RBM8A: variants seen among roughly 807,000 people sequenced by gnomAD.
RBM8A encodes the protein RNA binding motif protein 8A.
Under a neutral mutation model 25.1 loss-of-function variants are expected in RBM8A, and 8 were observed. The observed-to-expected ratio is 0.32, with a 90% CI of 0.19 to 0.58. The LOEUF (loss-of-function observed/expected upper bound fraction) is 0.58. Among genes scored for constraint, RBM8A ranks in the 20% least tolerant of loss-of-function variants. RBM8A has a pLI of 0.88. For synonymous variants in RBM8A, 66 were observed against 80.0 expected, an observed-to-expected ratio of 0.82 and a Z score of 0.94; for missense variants, 114 against 236.8, an observed-to-expected ratio of 0.48 and a Z score of 3.40.
chr1:145,926,300 A>G (rs1553755881), intron 4 of RBM8A, 123 bp from the exon 5 acceptor site: 9 of 1,455,906 alleles, frequency 6.2e-6, no homozygotes, highest in East Asian at 2.3e-5. Context: ...TGTACATCAT[A>G]TATCTCTACT....
At position 145,922,194 on chromosome 1, in the gene RBM8A, G is replaced by C. The variant is rs1199674456; in HGVS notation, c.*3688C>G. On this transcript the variant is annotated 3_prime_UTR_variant, in exon 6 of 6. Coordinates refer to ENST00000583313, the MANE Select transcript of RBM8A (RefSeq NM_005105.5). The stretch of plus-strand genomic sequence containing the variant: ...AGCCAAGACTGCACCACTGCACTCC[G>C]GCGTGGGCGGCAGAGCCAGACTCTG... The C allele has an allele frequency of 6.6e-6, 1 of 151,542 alleles. No individual in the cohort carries two copies. The highest frequency in any genetic ancestry group is 1.5e-5 in the Non-Finnish European group (1 of 67,858). The allele number at this position is 151,542 out of a possible 1,614,324, so 9.4% of individuals were successfully genotyped here.
chr1:145,926,618 G>C lies in RBM8A; in HGVS notation c.206C>G (p.Ser69Cys), dbSNP rs587762850. 1 of 1,614,048 alleles carries C rather than the reference G, an allele frequency of 6.2e-7. No homozygotes were observed. Among genetic ancestry groups the C allele is most frequent in the Admixed American group, 1.7e-5 (1 of 60,004 alleles). Reference sequence around the variant, plus strand: ...TACAAAGAGAATCCAGCCTTCAACAGCTGTTGGGGGACGGGGGGAAGTTGT... The same window carrying C: ...TACAAAGAGAATCCAGCCTTCAACACCTGTTGGGGGACGGGGGGAAGTTGT... The part of the protein sequence containing the change: ...QDGDEPGPQR[S>C]VEGWILFVTG... Residue 69 changes from serine to cysteine, a missense_variant and splice_region_variant, in exon 4 of 6, where the codon TCT (serine) becomes TGT (cysteine). Ser to Cys is a moderately radical substitution (Grantham distance 112). Coordinates refer to ENST00000583313, the MANE Select transcript of RBM8A (RefSeq NM_005105.5).
intron 4 of RBM8A, 31 bp from the exon 5 acceptor site, chr1:145,926,208 CCCT>C (rs1648147730): frequency 6.2e-7 from 1 of 1,608,074 alleles, no homozygotes; most frequent in South Asian, 1.1e-5. Flanking sequence ...GATATGAAAA[CCCT>C]CCTATTTCCC....
chr1:145,927,107 A>C, intron 1 of RBM8A, 30 bp from the exon 2 acceptor site: 1 of 1,605,826 alleles, frequency 6.2e-7, no homozygotes, highest in Non-Finnish European at 8.5e-7. Context: ...AAGAATAAGT[A>C]ACTATGACAG....
Position 145,926,554 on chromosome 1 carries a change from G to C in RBM8A, c.270C>G (p.His90Gln). Residue 90 changes from histidine (H) to glutamine (Q), a missense_variant, in exon 4 of 6, where the codon CAC becomes CAG. This residue lies in a region of RBM8A where 102 missense variants were observed against 182.7 expected (regional missense o/e 0.56). Coordinates refer to ENST00000583313, the MANE Select transcript of RBM8A (RefSeq NM_005105.5). ...VHEEATEEDI[H>Q]DKFAEYGEIK... Reference sequence around the variant, plus strand: ...TTTCCCCATATTCTGCGAATTTGTCGTGTATGTCTTCTTCGGTGGCTTCCT... The same window carrying C: ...TTTCCCCATATTCTGCGAATTTGTCCTGTATGTCTTCTTCGGTGGCTTCCT... 6.2e-7 allele frequency: 1 copy of C among 1,614,106 alleles called. No individual in the cohort carries two copies.
Position 145,921,794 on chromosome 1 carries a change from TTA to T in RBM8A, c.*4086_*4087del, listed in dbSNP as rs1647797420. On this transcript the variant is annotated 3_prime_UTR_variant, in exon 6 of 6. Coordinates refer to ENST00000583313, the MANE Select transcript of RBM8A (RefSeq NM_005105.5). ...CATCTCTGAGACTGTAGGATTAGAATTATGTCAGAAGGAGGCCAAGAAGGGTC... is the reference window on the plus strand; with the variant it reads ...CATCTCTGAGACTGTAGGATTAGAATTGTCAGAAGGAGGCCAAGAAGGGTC... 6.5e-6 allele frequency: 1 copy of T among 154,716 alleles called. No individual in the cohort carries two copies. Among genetic ancestry groups the T allele is most frequent in the Non-Finnish European group, 1.5e-5 (1 of 68,950 alleles). 9.6% of individuals were successfully genotyped at this position (154,716 alleles called of 1,614,324 possible). A position where few individuals can be genotyped will look rare whatever the true frequency, so the allele number is the denominator to read the frequency against.
chr1:145,925,900 T>G lies in RBM8A; in HGVS notation c.507A>C (p.Pro169=), dbSNP rs782268955. The G allele has an allele frequency of 3.3e-5, 53 of 1,614,108 alleles. No homozygotes were observed. The highest frequency in any genetic ancestry group is 4.5e-5 in the Non-Finnish European group (53 of 1,180,022). The change falls in exon 6 of 6, where the codon CCA becomes CCC. Residue 169 remains proline (P), a synonymous_variant. Coordinates refer to ENST00000583313, the MANE Select transcript of RBM8A (RefSeq NM_005105.5). ...RRGGRRRSRS[P]DRRRR ...GGACCTGTCAGCGACGTCTCCGGTCTGGACTTCTGCTGCGTCTTCGGCCAC... is the reference window on the plus strand; with the variant it reads ...GGACCTGTCAGCGACGTCTCCGGTCGGGACTTCTGCTGCGTCTTCGGCCAC...
rs1553756225 is a variant in RBM8A at position 145,927,458 on chromosome 1, C to T, written c.-32G>A. 20 of 1,600,068 alleles carry T rather than the reference C, an allele frequency of 1.2e-5. No homozygotes were observed. The highest frequency in any genetic ancestry group is 1.7e-5 in the Non-Finnish European group (20 of 1,172,988). ...TTCGATCGAGATCTCGTCTGTGCCG[C>T]TCAGACACTAGGTACCTCGGGAAAC... On this transcript the variant is annotated 5_prime_UTR_variant, in exon 1 of 6. Coordinates refer to ENST00000583313, the MANE Select transcript of RBM8A (RefSeq NM_005105.5).
chr1:145,926,330 G>T (rs1553755892), intron 4 of RBM8A, 152 bp downstream of exon 4: 3 of 1,440,354 alleles, frequency 2.1e-6, no homozygotes, highest in Non-Finnish European at 2.8e-6. Flanking sequence ...CATCATCTCC[G>T]TTTCTGTCTC....
chr1:145,927,451 T>C lies in RBM8A; in HGVS notation c.-25A>G. 2 of 1,604,212 alleles carry C rather than the reference T, an allele frequency of 1.2e-6. No homozygotes were observed. Among genetic ancestry groups the C allele is most frequent in the African/African-American group, 1.3e-5 (1 of 74,892 alleles). On this transcript the variant is annotated 5_prime_UTR_variant, in exon 1 of 6. Transcript: ENST00000583313. ...TCTCGCCTTCGATCGAGATCTCGTC[T>C]GTGCCGCTCAGACACTAGGTACCTC...
rs1400721847 is a variant in RBM8A at position 145,921,933 on chromosome 1, T to C, written c.*3949A>G. The C allele has an allele frequency of 2.0e-5, 3 of 152,170 alleles. No individual in the cohort carries two copies. Among genetic ancestry groups the C allele is most frequent in the Admixed American group, 6.5e-5 (1 of 15,272 alleles). 9.4% of individuals were successfully genotyped at this position (152,170 alleles called of 1,614,324 possible). On this transcript the variant is annotated 3_prime_UTR_variant, in exon 6 of 6. Transcript: ENST00000583313. ...CTAGAAGTTAGTCTGACTATACTCC[T>C]AAGAACAAAGAAAGGCCTGGTGGCT... is the stretch of plus-strand genomic sequence containing the variant.
rs1648203515 is a variant in RBM8A, at chr1:145,927,117, G to A, written c.68-40C>T. 4 of 1,601,760 alleles carry A rather than the reference G, an allele frequency of 2.5e-6. No individual in the cohort carries two copies. In the Admixed American group the frequency reaches 5.0e-5, roughly 20 times the overall value. The stretch of plus-strand genomic sequence containing the variant: ...GATAAAAGAATAAGTAACTATGACA[G>A]TCATTTGTAACAATCGTCTCTTTCC... On this transcript the variant is annotated intron_variant, in intron 1 of 5. Coordinates refer to ENST00000583313, the MANE Select transcript of RBM8A (RefSeq NM_005105.5).
At position 145,926,680 on chromosome 1, in the gene RBM8A, G is replaced by A. The variant is rs587653214; in HGVS notation, c.206-62C>T. On this transcript the variant is annotated intron_variant, in intron 3 of 5. Transcript: ENST00000583313. ...AGAGACACTTTAAGCAGGCTCACAG[G>A]AATAGAGTGAGTGCGGACTCAGATT... The A allele has an allele frequency of 6.8e-6, 11 of 1,612,482 alleles. No individual in the cohort carries two copies. In the East Asian group the frequency reaches 1.3e-4, roughly 20 times the overall value.
At chr1:145,926,985 T>C in intron 2 of RBM8A, 33 bp downstream of exon 2, 1 of 1,614,114 alleles carries the variant, frequency 6.2e-7, no homozygotes, top group South Asian at 1.1e-5. Flanking sequence ...CCTGCCCTAC[T>C]AGGCCACTCT....
chr1:145,926,283 C>G, intron 4 of RBM8A, 106 bp from the exon 5 acceptor site: 1 of 1,501,116 alleles, frequency 6.7e-7, no homozygotes. Context: ...ACACTTTAAA[C>G]AATGAATGTA....
chr1:145,925,173 A>T lies in RBM8A; in HGVS notation c.*709T>A. On this transcript the variant is annotated 3_prime_UTR_variant, in exon 6 of 6. Transcript: ENST00000583313. Reference sequence around the variant, plus strand: ...ATGCCTTTAGACAGCTGGAAGTACAAAAAACTGTGACATCAAGAAGGGCAG... The same window carrying T: ...ATGCCTTTAGACAGCTGGAAGTACATAAAACTGTGACATCAAGAAGGGCAG... 3.5e-6 allele frequency: 1 copy of T among 289,318 alleles called. No individual in the cohort carries two copies. Among genetic ancestry groups the T allele is most frequent in the East Asian group, 8.6e-5 (1 of 11,650 alleles). The allele number at this position is 289,318 out of a possible 1,614,324, so 17.9% of individuals were successfully genotyped here.
chr1:145,926,406 C>T, intron 4 of RBM8A, 76 bp downstream of exon 4: 1 of 1,559,718 alleles, frequency 6.4e-7, no homozygotes, highest in South Asian at 1.2e-5. Flanking sequence ...CTTGGCCAAC[C>T]ACAGCAAACA....
intron 1 of RBM8A, 33 bp downstream of exon 1, chr1:145,927,327 C>T (rs1648216699): frequency 6.2e-7 from 1 of 1,603,884 alleles, no homozygotes; most frequent in Non-Finnish European, 8.5e-7. Flanking sequence ...CGCACCTTCC[C>T]CGCTTCCCAC....
At position 145,926,316 on chromosome 1, in the gene RBM8A, T is replaced by C. The variant is rs587725541; in HGVS notation, c.343-139A>G. 4 of 1,426,982 alleles carry C rather than the reference T, an allele frequency of 2.8e-6. No individual in the cohort carries two copies. In the East Asian group the frequency reaches 6.9e-5, roughly 24 times the overall value. 88.4% of individuals were successfully genotyped at this position (1,426,982 alleles called of 1,614,324 possible). ...GTACATCATATATCTCTACTGTATA[T>C]ATACATCATCTCCGTTTCTGTCTCT... On this transcript the variant is annotated intron_variant, in intron 4 of 5. Coordinates refer to ENST00000583313, the MANE Select transcript of RBM8A (RefSeq NM_005105.5).
Sources: gnomAD v4.1 joint callset for allele counts on GRCh38, gnomAD v4.1.1 for gene constraint, gnomAD v4.1.1 regional missense constraint, MANE v1.5 for transcripts, NCBI Gene and HGNC (gene_info 2026-07-23, HGNC 2026-07-21) for gene names.